MTO1: variants seen among roughly 807,000 people sequenced by gnomAD.
The protein encoded by MTO1 is mitochondrial tRNA translation optimization 1.
MTO1 carries 46 observed loss-of-function variants against 71.6 expected under a neutral mutation model. The ratio of observed to expected loss-of-function variants is 0.64; its 90% CI spans 0.51 to 0.82. The LOEUF is 0.82. MTO1 is among the 40% of genes least tolerant of loss of function. MTO1 has a pLI of 0.00. For synonymous variants in MTO1, 297 were observed against 312.1 expected (o/e 0.95, Z 0.51); for missense variants, 773 against 867.5 (o/e 0.89, Z 1.37).
chr6:73,491,435 T>A (rs1473498678), intron 9 of MTO1, among the ~76,000 whole-genome samples: 2 of 151,894 alleles, frequency 1.3e-5, no homozygotes, highest in East Asian at 1.9e-4. Context: ...AAAAGACTTA[T>A]GAACCCCTAT....
At position 73,479,968 on chromosome 6, in the gene MTO1, G is replaced by GT. The variant is rs1561945517; in HGVS notation, c.975dup (p.Pro326SerfsTer12). On this transcript the variant is annotated frameshift_variant, in exon 6 of 12. Transcript: ENST00000498286. LOFTEE classifies it high-confidence loss of function. ...CCCTCCATTGAATCAAAAGTTTTGC[G>GT]TTTTCCAAACCGTCTACATCAGGTT... is the stretch of plus-strand genomic sequence containing the variant. 1 of 1,613,080 alleles carries GT rather than the reference G, an allele frequency of 6.2e-7. No individual in the cohort carries two copies. The highest frequency in any genetic ancestry group is 1.1e-5 in the South Asian group (1 of 90,900).
chr6:73,492,700 C>A (rs1044150153), intron 10 of MTO1: 11 of 188,450 alleles, frequency 5.8e-5, no homozygotes, highest in Admixed American at 5.5e-4. Flanking sequence ...GTAGTGCCAA[C>A]TACTATGGAG....
At chr6:73,470,902 G>A (rs1771144528) in intron 3 of MTO1, among the ~76,000 whole-genome samples, 1 of 152,088 alleles carries the variant, frequency 6.6e-6, no homozygotes, top group Non-Finnish European at 1.5e-5. Flanking sequence ...GCAGTGAGCT[G>A]AGATCTTGCT....
At chr6:73,486,522 G>C (rs1178077995) in intron 9 of MTO1, 5 of 379,688 alleles carry the variant, frequency 1.3e-5, no homozygotes, top group Non-Finnish European at 2.6e-5. Flanking sequence ...CGGATCACCT[G>C]AGGTCAGGAG....
At position 73,504,757 on chromosome 6, in the gene MTO1, C is replaced by T. The variant is rs1050885393; in HGVS notation, c.*4022C>T. On this transcript the variant is annotated 3_prime_UTR_variant, in exon 12 of 12. Coordinates refer to ENST00000498286, the MANE Select transcript of MTO1 (RefSeq NM_012123.4). ...CAAAAATAAGCCAAGCATGGTGGCA[C>T]GTACCTGTTGTTCCAGCAACTTGGG... The T allele has an allele frequency of 6.6e-6, 1 of 152,200 alleles. No individual in the cohort carries two copies. The highest frequency in any genetic ancestry group is 1.5e-5 in the Non-Finnish European group (1 of 68,076). 9.4% of individuals were successfully genotyped at this position (152,200 alleles called of 1,614,324 possible). A position where few individuals can be genotyped will look rare whatever the true frequency, so the allele number is the denominator to read the frequency against.
At chr6:73,464,011 G>A (rs1770903162) in intron 1 of MTO1, 1 of 152,066 alleles carries the variant, frequency 6.6e-6, no homozygotes, top group African/African-American at 2.4e-5. Context: ...AAAGTGCTGG[G>A]ATTACAGGTG....
chr6:73,482,228 C>G lies in MTO1; in HGVS notation c.1449C>G (p.Ser483Arg). The G allele has an allele frequency of 6.2e-7, 1 of 1,614,082 alleles. No individual in the cohort carries two copies. The highest frequency in any genetic ancestry group is 8.5e-7 in the Non-Finnish European group (1 of 1,180,006). The change falls in exon 8 of 12, where the codon AGC (serine) becomes AGG (arginine). Residue 483 changes from serine (S) to arginine (R), a missense_variant. Ser to Arg is a moderately radical substitution (Grantham distance 110). Coordinates refer to ENST00000498286, the MANE Select transcript of MTO1 (RefSeq NM_012123.4). ...CACTGCGCCCTGATAATGCTGACAG[C>G]CGGCTCACACTGCGAGGTAACTCTT... is the stretch of plus-strand genomic sequence containing the variant. ...RLSLRPDNAD[S>R]RLTLRGYKDA...
chr6:73,482,769 G>A (rs569389041), intron 9 of MTO1, 149 bp downstream of exon 9: 1 of 339,440 alleles, frequency 2.9e-6, no homozygotes, highest in Non-Finnish European at 5.2e-6. Flanking sequence ...TCCGTTAGCT[G>A]TAACTCATCT....
rs1459583551 is a variant in MTO1, at chr6:73,507,998, AAAT to A, written c.*7264_*7266del. On this transcript the variant is annotated 3_prime_UTR_variant, in exon 12 of 12. Coordinates refer to ENST00000498286, the MANE Select transcript of MTO1 (RefSeq NM_012123.4). Reference sequence around the variant, plus strand: ...TCTCAAAAAAAAAAAAAAAAAAAAAAAATTCTCCATCCCTTTTGAACAATCTGG... The same window carrying A: ...TCTCAAAAAAAAAAAAAAAAAAAAAATCTCCATCCCTTTTGAACAATCTGG... The A allele has an allele frequency of 5.2e-5, 7 of 133,692 alleles. No individual in the cohort carries two copies. The highest frequency in any genetic ancestry group is 1.7e-4 in the African/African-American group (6 of 36,240). 8.3% of individuals were successfully genotyped at this position (133,692 alleles called of 1,614,324 possible). A position where few individuals can be genotyped will look rare whatever the true frequency, so the allele number is the denominator to read the frequency against.
At chr6:73,467,786 G>A (rs564118753) in intron 3 of MTO1, among the ~76,000 whole-genome samples, 7 of 151,910 alleles carry the variant, frequency 4.6e-5, no homozygotes, top group African/African-American at 1.7e-4. Flanking sequence ...CTAATTTACA[G>A]TTCTAGACAT....
Position 73,502,120 on chromosome 6 carries a change from A to G in MTO1, c.*1385A>G, listed in dbSNP as rs763789181. 4 of 152,230 alleles carry G rather than the reference A, an allele frequency of 2.6e-5. No homozygotes were observed. Among genetic ancestry groups the G allele is most frequent in the African/African-American group, 4.8e-5 (2 of 41,460 alleles). 9.4% of individuals were successfully genotyped at this position (152,230 alleles called of 1,614,324 possible). On this transcript the variant is annotated 3_prime_UTR_variant, in exon 12 of 12. Transcript: ENST00000498286. ...GGGCAAAATTCTTCTTACAGAGACA[A>G]TATTAATTACAATACCACATTGTGT...
chr6:73,484,584 A>T (rs954939812), intron 9 of MTO1, among the ~76,000 whole-genome samples: 2 of 152,142 alleles, frequency 1.3e-5, no homozygotes, highest in African/African-American at 4.8e-5. Context: ...TAAGTGGGGG[A>T]TACTACCAAC....
At chr6:73,482,860 C>T (rs1339848920) in intron 9 of MTO1, among the ~76,000 whole-genome samples, 1 of 134,246 alleles carries the variant, frequency 7.4e-6, no homozygotes, top group African/African-American at 2.8e-5. Context: ...GGTGCGATCT[C>T]GGCTCACTGC....
intron 4 of MTO1, among the ~76,000 whole-genome samples, chr6:73,475,658 G>A (rs1320459409): frequency 6.6e-6 from 1 of 152,064 alleles, no homozygotes; most frequent in Non-Finnish European, 1.5e-5. Flanking sequence ...GGGATTACAG[G>A]CATGTGCCAC....
chr6:73,463,629 G>T (rs1333328170), intron 1 of MTO1, among the ~76,000 whole-genome samples: 1 of 152,086 alleles, frequency 6.6e-6, no homozygotes, highest in Non-Finnish European at 1.5e-5. Flanking sequence ...GCTCATAACT[G>T]TGAAGAAATA....
rs1172475815 is a variant in MTO1, at chr6:73,508,029, G to A, written c.*7294G>A. 2.0e-5 allele frequency: 3 copies of A among 150,676 alleles called. No individual in the cohort carries two copies. 9.3% of individuals were successfully genotyped at this position (150,676 alleles called of 1,614,324 possible). A position where few individuals can be genotyped will look rare whatever the true frequency, so the allele number is the denominator to read the frequency against. On this transcript the variant is annotated 3_prime_UTR_variant, in exon 12 of 12. Coordinates refer to ENST00000498286, the MANE Select transcript of MTO1 (RefSeq NM_012123.4). ...TCCATCCCTTTTGAACAATCTGGAA[G>A]TCTGTTTCTCTTAACCTTCAGTTCC... is the stretch of plus-strand genomic sequence containing the variant.
Position 73,493,546 on chromosome 6 carries a change from A to G in MTO1, c.1756+1194A>G, listed in dbSNP as rs1771889357. On this transcript the variant is annotated intron_variant, in intron 10 of 11. Transcript: ENST00000498286. ...GCTGGGGTTACAGGGCCCCGCCACA[A>G]GGCCCGGCAAATTTTTGTATTTTTA... Among the ~76,000 whole-genome samples the G allele has an allele frequency of 2.0e-5, 3 of 151,756 alleles. No homozygotes were observed. In the South Asian group the frequency reaches 6.3e-4, roughly 32 times the overall value.
At chr6:73,489,557 T>TA (rs1771749362) in intron 9 of MTO1, among the ~76,000 whole-genome samples, 1 of 151,678 alleles carries the variant, frequency 6.6e-6, no homozygotes, top group Non-Finnish European at 1.5e-5. Flanking sequence ...GTCCTTGTGA[T>TA]AGTTTGCTCA....
intron 10 of MTO1, among the ~76,000 whole-genome samples, chr6:73,495,684 T>C (rs1179573770): frequency 6.6e-6 from 1 of 152,144 alleles, no homozygotes; most frequent in Non-Finnish European, 1.5e-5. Context: ...GATTCTTCTT[T>C]GTATTCTCTC....
Sources: gnomAD v4.1 joint callset for allele counts (sites outside exome capture counted in the v4.1 genomes callset) on GRCh38, gnomAD v4.1.1 for gene constraint, MANE v1.5 for transcripts, NCBI Gene and HGNC (gene_info 2026-07-23, HGNC 2026-07-21) for gene names.